The following TBC1D5 variants were observed in gnomAD, a reference collection of about 807,000 sequenced individuals.
TBC1D5 encodes TBC1 domain family member 5, also known as TBC1 domain family, member 5.
Under a neutral mutation model 100.3 loss-of-function variants are expected in TBC1D5, and 75 were observed. The ratio of observed to expected loss-of-function variants is 0.75; its 90% confidence interval spans 0.62 to 0.91. The LOEUF (loss-of-function observed/expected upper bound fraction) is 0.91, where lower values mean the gene tolerates loss of function less well. Among genes scored for constraint, TBC1D5 ranks in the 40% least tolerant of loss-of-function variants. The pLI, the probability that TBC1D5 is intolerant of heterozygous loss-of-function variation, is 0.00. For missense variants in TBC1D5, 910 were observed against 942.4 expected (o/e 0.97, Z 0.45); for synonymous variants, 323 against 325.6 (o/e 0.99, Z 0.09).
At chr3:17,614,982 C>T (rs1474119385) in intron 2 of TBC1D5, among the ~76,000 whole-genome samples, 1 of 152,304 alleles carries the variant, frequency 6.6e-6, no homozygotes, top group East Asian at 1.9e-4. Flanking sequence ...GGGAATGCTT[C>T]CAGTTTTTGC....
intron 2 of TBC1D5, among the ~76,000 whole-genome samples, chr3:17,554,301 A>AATCTTTCAAATAAATTAT (rs1379322134): frequency 6.6e-6 from 1 of 152,214 alleles, no homozygotes; most frequent in Admixed American, 6.5e-5. Context: ...GTTTGGAAAT[A>AATCTTTCAAATAAATTAT]ATCTTTCAAA....
intron 8 of TBC1D5, among the ~76,000 whole-genome samples, chr3:17,399,813 C>T (rs902245029): frequency 2.0e-5 from 3 of 152,110 alleles, no homozygotes; most frequent in African/African-American, 7.2e-5. Flanking sequence ...AAACACTGAG[C>T]TCATTTTCAT....
intron 2 of TBC1D5, among the ~76,000 whole-genome samples, chr3:17,543,871 T>C (rs1404751819): frequency 6.6e-6 from 1 of 151,630 alleles, no homozygotes; most frequent in Non-Finnish European, 1.5e-5. Context: ...TGTTTGTTTT[T>C]TTTTTCTTTT....
chr3:17,722,879 A>AT (rs1293796429), intron 1 of TBC1D5, among the ~76,000 whole-genome samples: 1 of 151,966 alleles, frequency 6.6e-6, no homozygotes, highest in African/African-American at 2.4e-5. Flanking sequence ...ATCTCCCACT[A>AT]TTTTTTTCCC....
At chr3:17,182,551 T>C (rs1476279475) in intron 19 of TBC1D5, among the ~76,000 whole-genome samples, 1 of 152,234 alleles carries the variant, frequency 6.6e-6, no homozygotes, top group Non-Finnish European at 1.5e-5. Flanking sequence ...GGGAATTTCC[T>C]AGCAGGATTC....
intron 2 of TBC1D5, among the ~76,000 whole-genome samples, chr3:17,538,009 G>A (rs2096301653): frequency 1.3e-5 from 2 of 152,256 alleles, no homozygotes; most frequent in East Asian, 1.9e-4. Context: ...ATACATGTAA[G>A]ATGTGTAATG....
intron 15 of TBC1D5, among the ~76,000 whole-genome samples, chr3:17,282,096 T>C (rs1199041816): frequency 6.6e-6 from 1 of 152,218 alleles, no homozygotes; most frequent in East Asian, 1.9e-4. Flanking sequence ...TGTTAGAGAT[T>C]ATAGGCTAAT....
chr3:17,290,623 C>T (rs746380712), intron 15 of TBC1D5, among the ~76,000 whole-genome samples: 3 of 152,076 alleles, frequency 2.0e-5, no homozygotes, highest in East Asian at 1.9e-4. Context: ...TAACCTCATT[C>T]GTTAGTCTTA....
chr3:17,661,634 G>C (rs1347058324), intron 1 of TBC1D5, among the ~76,000 whole-genome samples: 2 of 151,834 alleles, frequency 1.3e-5, no homozygotes, highest in Non-Finnish European at 1.5e-5. Flanking sequence ...CTGAGTAGCA[G>C]GGACTACAGG....
chr3:17,359,816 T>C (rs1387360811), intron 13 of TBC1D5, among the ~76,000 whole-genome samples: 1 of 152,008 alleles, frequency 6.6e-6, no homozygotes, highest in African/African-American at 2.4e-5. Flanking sequence ...GCTCTAGATA[T>C]TCAATTTGCC....
intron 1 of TBC1D5, among the ~76,000 whole-genome samples, chr3:17,637,805 G>A (rs922726997): frequency 6.6e-6 from 1 of 152,122 alleles, no homozygotes; most frequent in African/African-American, 2.4e-5. Context: ...TTACTGAGCG[G>A]TAATTTAGAA....
chr3:17,168,808 T>C (rs1314598787), intron 19 of TBC1D5, among the ~76,000 whole-genome samples: 1 of 152,158 alleles, frequency 6.6e-6, no homozygotes, highest in Non-Finnish European at 1.5e-5. Context: ...AATGCCCACT[T>C]ACAATGTCTT....
intron 13 of TBC1D5, among the ~76,000 whole-genome samples, chr3:17,316,292 G>A (rs17043377): frequency 6.6e-6 from 1 of 152,198 alleles, no homozygotes; most frequent in Non-Finnish European, 1.5e-5. Context: ...GTGGCCATGG[G>A]AGTTTTGTTT....
At chr3:17,423,146 T>C (rs2094255204) in intron 4 of TBC1D5, among the ~76,000 whole-genome samples, 4 of 152,262 alleles carry the variant, frequency 2.6e-5, no homozygotes, top group South Asian at 4.2e-4. Context: ...TAGAACACCA[T>C]TGTTTTAAAG....
At chr3:17,262,478 G>GT (rs746293280) in intron 15 of TBC1D5, among the ~76,000 whole-genome samples, 3,034 of 114,934 alleles carry the variant, frequency 0.026, 62 homozygotes, top group South Asian at 0.04. Context: ...CCAAAACAAT[G>GT]TTTTTTTTTT....
At chr3:17,577,774 T>A (rs2096666672) in intron 2 of TBC1D5, among the ~76,000 whole-genome samples, 1 of 152,036 alleles carries the variant, frequency 6.6e-6, no homozygotes, top group African/African-American at 2.4e-5. Context: ...CCATAAACCC[T>A]GAATGTTCAA....
At chr3:17,274,730 C>A (rs180863851) in intron 15 of TBC1D5, among the ~76,000 whole-genome samples, 11 of 152,264 alleles carry the variant, frequency 7.2e-5, no homozygotes, top group Admixed American at 6.5e-4. Flanking sequence ...CTGAAATACT[C>A]TCTATTTTTA....
chr3:17,559,862 T>G (rs2153471965), intron 2 of TBC1D5, among the ~76,000 whole-genome samples: 1 of 152,318 alleles, frequency 6.6e-6, no homozygotes, highest in East Asian at 1.9e-4. Context: ...GTGCTGGGAT[T>G]ACAGGCGTGA....
At chr3:17,388,698 A>T (rs1400064518) in intron 8 of TBC1D5, among the ~76,000 whole-genome samples, 3 of 151,344 alleles carry the variant, frequency 2.0e-5, no homozygotes, top group East Asian at 3.9e-4. Context: ...AAAAAAAAAA[A>T]AAAAGTAAAA....
Sources: allele counts gnomAD v4.1 joint callset (sites outside exome capture counted in the v4.1 genomes callset), GRCh38; gene constraint gnomAD v4.1.1; transcripts MANE v1.5; gene names NCBI Gene and HGNC (gene_info 2026-07-23, HGNC 2026-07-21).